Variants in RBM18 observed in about 807,000 individuals in gnomAD.
RBM18 encodes the protein probable RNA-binding protein 18.
In RBM18, 18 loss-of-function variants were observed where a neutral mutation model predicts 26.4. That is an observed-to-expected ratio of 0.68 (90% CI 0.47 to 1.01). The LOEUF (loss-of-function observed/expected upper bound fraction) is 1.01. Among genes scored for constraint, RBM18 ranks in the 50% least tolerant of loss-of-function variants. The probability of loss-of-function intolerance (pLI) is 0.00; values close to 1 mark genes in which losing one functional copy is unlikely to be tolerated. For missense variants in RBM18, 180 were observed against 219.2 expected, an observed-to-expected ratio of 0.82 and a Z score of 1.13; for synonymous variants, 74 against 81.1, an observed-to-expected ratio of 0.91 and a Z score of 0.47.
chr9:122,254,401 G>A, intron 2 of RBM18: 1 of 599,298 alleles, frequency 1.7e-6, no homozygotes, highest in Non-Finnish European at 2.1e-6. Context: ...TTACTATTTT[G>A]CTTCCTGGAG....
chr9:122,256,009 C>T (rs367942839), intron 2 of RBM18, among the ~76,000 whole-genome samples: 12 of 151,988 alleles, frequency 7.9e-5, no homozygotes, highest in Admixed American at 2.6e-4. Context: ...CCAGCCTGGG[C>T]AACAGAGTGA....
chr9:122,244,335 T>C (rs1831470767), intron 5 of RBM18, among the ~76,000 whole-genome samples: 4 of 152,202 alleles, frequency 2.6e-5, no homozygotes, highest in African/African-American at 9.7e-5. Context: ...TCCACCCAAA[T>C]AGGCATCACT....
intron 1 of RBM18, among the ~76,000 whole-genome samples, chr9:122,263,516 G>A (rs777343753): frequency 1.3e-5 from 2 of 152,204 alleles, no homozygotes; most frequent in African/African-American, 2.4e-5. Context: ...CCAGTTACTG[G>A]AGTCAGAGCA....
chr9:122,240,859 C>T lies in RBM18; in HGVS notation c.*1025G>A, dbSNP rs182080364. The stretch of plus-strand genomic sequence containing the variant: ...TCTTGGTGCCACAGTGGCATCTGTT[C>T]CATTGACTTTCTGTGCCCACTGCAT... On this transcript the variant is annotated 3_prime_UTR_variant, in exon 6 of 6. Coordinates refer to ENST00000417201, the MANE Select transcript of RBM18 (RefSeq NM_033117.4). 1 of 152,328 alleles carries T rather than the reference C, an allele frequency of 6.6e-6. No homozygotes were observed. The highest frequency in any genetic ancestry group is 1.9e-4 in the East Asian group (1 of 5,180). The allele number at this position is 152,328 out of a possible 1,614,324, so 9.4% of individuals were successfully genotyped here.
intron 1 of RBM18, among the ~76,000 whole-genome samples, chr9:122,262,087 T>G (rs540572424): frequency 6.6e-6 from 1 of 152,072 alleles, no homozygotes; most frequent in Non-Finnish European, 1.5e-5. Flanking sequence ...TCTAGAGAGA[T>G]AATAGTGCTT....
chr9:122,258,004 T>C (rs547002987), intron 2 of RBM18, among the ~76,000 whole-genome samples: 8 of 152,308 alleles, frequency 5.3e-5, no homozygotes, highest in African/African-American at 1.4e-4. Flanking sequence ...ACAGGTACCA[T>C]ATATTCACAT....
At chr9:122,255,303 A>G (rs1023295058) in intron 2 of RBM18, among the ~76,000 whole-genome samples, 1 of 152,226 alleles carries the variant, frequency 6.6e-6, no homozygotes. Context: ...CATAAAAAGA[A>G]GTATGGACAA....
chr9:122,239,386 G>T lies in RBM18; in HGVS notation c.*2498C>A, dbSNP rs976915983. 1.3e-5 allele frequency: 2 copies of T among 152,102 alleles called. No homozygotes were observed. Among genetic ancestry groups the T allele is most frequent in the Non-Finnish European group, 2.9e-5 (2 of 68,014 alleles). 9.4% of individuals were successfully genotyped at this position (152,102 alleles called of 1,614,324 possible). ...ATGTGATACTCCTCCCCAGTACTAA[G>T]ATACCAATTATAGAAAATCAACTGG... On this transcript the variant is annotated 3_prime_UTR_variant, in exon 6 of 6. Coordinates refer to ENST00000417201, the MANE Select transcript of RBM18 (RefSeq NM_033117.4).
At chr9:122,254,012 A>C (rs1409203996) in intron 2 of RBM18, among the ~76,000 whole-genome samples, 7 of 150,626 alleles carry the variant, frequency 4.6e-5, no homozygotes, top group African/African-American at 1.7e-4. Flanking sequence ...TGGGCGACAG[A>C]GCAAGATTCC....
intron 2 of RBM18, among the ~76,000 whole-genome samples, chr9:122,254,562 G>A (rs1186803125): frequency 1.3e-5 from 2 of 152,206 alleles, no homozygotes; most frequent in South Asian, 2.1e-4. Flanking sequence ...GCAGCCTTCA[G>A]GAGCTGGAAA....
chr9:122,245,267 C>T lies in RBM18; in HGVS notation c.402G>A (p.Gln134=), dbSNP rs530064224. The T allele has an allele frequency of 3.0e-4, 485 of 1,597,808 alleles. 4 individuals are homozygous for T. In the South Asian group the frequency reaches 4.9e-3, roughly 16 times the overall value. ...LEPSSSTEPT[Q]SNLSVTAKIK... ...GTACATCATCTTACCTTAGGTTAGA[C>T]TGAGTAGGCTCAGTGCTTGAGGATG... is the stretch of plus-strand genomic sequence containing the variant. The change falls in exon 5 of 6, where the codon CAG becomes CAA. Residue 134 remains glutamine (Q), a synonymous_variant. Coordinates refer to ENST00000417201, the MANE Select transcript of RBM18 (RefSeq NM_033117.4).
chr9:122,242,792 G>C (rs1433027007), intron 5 of RBM18, among the ~76,000 whole-genome samples: 1 of 151,954 alleles, frequency 6.6e-6, no homozygotes, highest in Non-Finnish European at 1.5e-5. Context: ...TGAGTAGGTA[G>C]GGCTACAGGC....
intron 3 of RBM18, among the ~76,000 whole-genome samples, chr9:122,247,810 G>T (rs1831529222): frequency 7.0e-6 from 1 of 143,408 alleles, no homozygotes; most frequent in Admixed American, 7.1e-5. Flanking sequence ...TTGAGATGGA[G>T]TCTTGCTCTG....
At chr9:122,253,525 C>T (rs1831639062) in intron 2 of RBM18, among the ~76,000 whole-genome samples, 1 of 152,102 alleles carries the variant, frequency 6.6e-6, no homozygotes, top group Non-Finnish European at 1.5e-5. Context: ...AACGAAGACA[C>T]CTTAAGTGCA....
intron 4 of RBM18, 88 bp from the exon 5 acceptor site, chr9:122,245,429 G>A (rs1316922631): frequency 1.3e-6 from 1 of 746,632 alleles, no homozygotes; most frequent in Non-Finnish European, 2.3e-6. Flanking sequence ...AATACCATCA[G>A]TATATCATCA....
intron 3 of RBM18, 78 bp downstream of exon 3, chr9:122,251,769 C>G: frequency 7.2e-7 from 1 of 1,391,416 alleles, no homozygotes; most frequent in Non-Finnish European, 1.0e-6. Context: ...AACTGCTATT[C>G]TAGTAGGCAA....
chr9:122,263,295 G>A (rs1295543226), intron 1 of RBM18, among the ~76,000 whole-genome samples: 2 of 152,108 alleles, frequency 1.3e-5, no homozygotes, highest in African/African-American at 4.8e-5. Flanking sequence ...AAGCAACTAG[G>A]AACTGTTAAA....
Position 122,245,248 on chromosome 9 carries a change from C to T in RBM18, c.413+8G>A. On this transcript the variant is annotated splice_region_variant and intron_variant, in intron 5 of 5. Coordinates refer to ENST00000417201, the MANE Select transcript of RBM18 (RefSeq NM_033117.4). ...ATTACTGTGTCTTTCTATAGTACATCATCTTACCTTAGGTTAGACTGAGTA... is the reference window on the plus strand; with the variant it reads ...ATTACTGTGTCTTTCTATAGTACATTATCTTACCTTAGGTTAGACTGAGTA... 1.3e-6 allele frequency: 2 copies of T among 1,533,696 alleles called. No homozygotes were observed. The highest frequency in any genetic ancestry group is 9.0e-7 in the Non-Finnish European group (1 of 1,108,630).
chr9:122,260,269 C>G (rs1182323734), intron 2 of RBM18, among the ~76,000 whole-genome samples: 1 of 152,056 alleles, frequency 6.6e-6, no homozygotes, highest in Non-Finnish European at 1.5e-5. Context: ...TTGCTTAAGC[C>G]CAGGAGGTGG....
Sources: allele counts gnomAD v4.1 joint callset (sites outside exome capture counted in the v4.1 genomes callset), GRCh38; gene constraint gnomAD v4.1.1; transcripts MANE v1.5; gene names NCBI Gene and HGNC (gene_info 2026-07-23, HGNC 2026-07-21).